Variants in LCLAT1 observed in about 807,000 individuals in gnomAD.
The protein encoded by LCLAT1 is 1-AGP acyltransferase 8.
A neutral mutation model predicts 30.7 loss-of-function variants in LCLAT1; 11 were observed. That is an observed-to-expected ratio of 0.36 (90% CI 0.23 to 0.59). LCLAT1 has a LOEUF of 0.59. Ranked by LOEUF, LCLAT1 falls within the 20% of genes least tolerant of loss-of-function variation. The pLI is 0.77. For synonymous variants in LCLAT1, 155 were observed against 151.3 expected (o/e 1.02, Z -0.18); for missense variants, 402 against 458.6 (o/e 0.88, Z 1.13).
At chr2:30,618,854 T>C (rs1362195408) in intron 5 of LCLAT1, among the ~76,000 whole-genome samples, 1 of 152,210 alleles carries the variant, frequency 6.6e-6, no homozygotes, top group African/African-American at 2.4e-5. Flanking sequence ...CTCTACATCA[T>C]AGTTTGTGAA....
chr2:30,562,885 T>C (rs1665305491), intron 4 of LCLAT1, among the ~76,000 whole-genome samples: 1 of 152,128 alleles, frequency 6.6e-6, no homozygotes, highest in South Asian at 2.1e-4. Flanking sequence ...TAATTTCAGT[T>C]ATTGTTGATT....
At chr2:30,578,001 A>T (rs1666067235) in intron 5 of LCLAT1, among the ~76,000 whole-genome samples, 1 of 152,130 alleles carries the variant, frequency 6.6e-6, no homozygotes, top group Admixed American at 6.6e-5. Flanking sequence ...ACTTTTAAAC[A>T]CTTTGCCTTT....
intron 5 of LCLAT1, among the ~76,000 whole-genome samples, chr2:30,569,233 G>A (rs376685677): frequency 7.2e-5 from 11 of 152,128 alleles, no homozygotes; most frequent in Admixed American, 5.9e-4. Context: ...AAGTGATTCC[G>A]TTGATGATAT....
Position 30,640,106 on chromosome 2 carries a change from T to C in LCLAT1, c.629-11T>C, listed in dbSNP as rs757665600. The C allele has an allele frequency of 3.2e-5, 51 of 1,600,192 alleles. No homozygotes were observed. The highest frequency in any genetic ancestry group is 4.3e-5 in the Non-Finnish European group (50 of 1,173,806). On this transcript the variant is annotated splice_polypyrimidine_tract_variant and intron_variant, in intron 5 of 5. Transcript: ENST00000379509. ...CTGCTTAATCTATGTTTTCATCTTTTCGAAACCCAGGTAAGAACCTTGATG... is the reference window on the plus strand; with the variant it reads ...CTGCTTAATCTATGTTTTCATCTTTCCGAAACCCAGGTAAGAACCTTGATG...
Position 30,568,095 on chromosome 2 carries a change from A to G in LCLAT1, c.547A>G (p.Lys183Glu). The G allele has an allele frequency of 6.2e-7, 1 of 1,605,768 alleles. No homozygotes were observed. Among genetic ancestry groups the G allele is most frequent in the Non-Finnish European group, 8.5e-7 (1 of 1,174,814 alleles). ...GTCTCGAAGTAATGCATTTGCTGAA[A>G]AAAATGGACTTCAGAAATATGAATA... Reference protein sequence around the residue: ...SKSRSNAFAEKNGLQKYEYVL... With the variant: ...SKSRSNAFAEENGLQKYEYVL... Residue 183 changes from lysine to glutamate, a missense_variant, in exon 5 of 6, where the codon AAA (lysine) becomes GAA (glutamate). Transcript: ENST00000379509.
chr2:30,624,037 TAC>T (rs752430981), intron 5 of LCLAT1, among the ~76,000 whole-genome samples: 2 of 152,266 alleles, frequency 1.3e-5, no homozygotes, highest in Non-Finnish European at 2.9e-5. Context: ...GAAGGAAAGA[TAC>T]AGTCTTTTTC....
At chr2:30,532,156 A>C (rs1197999136) in intron 2 of LCLAT1, among the ~76,000 whole-genome samples, 1 of 152,162 alleles carries the variant, frequency 6.6e-6, no homozygotes, top group Non-Finnish European at 1.5e-5. Context: ...GTCTTTCAAA[A>C]TTATGCTTCT....
chr2:30,543,575 G>T (rs886339384), intron 3 of LCLAT1, among the ~76,000 whole-genome samples: 1 of 151,888 alleles, frequency 6.6e-6, no homozygotes, highest in East Asian at 1.9e-4. Flanking sequence ...TTTTTAGTGG[G>T]TGTCTTTTTA....
intron 5 of LCLAT1, among the ~76,000 whole-genome samples, chr2:30,608,219 G>T (rs1185575727): frequency 2.6e-5 from 4 of 151,514 alleles, no homozygotes; most frequent in Non-Finnish European, 5.9e-5. Flanking sequence ...TACTTGGGAG[G>T]CTGAGGCAGG....
chr2:30,632,642 A>G (rs1057166027), intron 5 of LCLAT1, among the ~76,000 whole-genome samples: 1 of 152,254 alleles, frequency 6.6e-6, no homozygotes, highest in African/African-American at 2.4e-5. Flanking sequence ...AAGAATAATG[A>G]TGATACAACA....
At chr2:30,467,266 A>C (rs1682492191) in intron 1 of LCLAT1, among the ~76,000 whole-genome samples, 1 of 152,234 alleles carries the variant, frequency 6.6e-6, no homozygotes, top group South Asian at 2.1e-4. Context: ...AAAGGACATG[A>C]ACTCATCCTT....
intron 1 of LCLAT1, chr2:30,476,349 T>C (rs536995931): frequency 3.1e-4 from 141 of 456,260 alleles, no homozygotes; most frequent in African/African-American, 2.7e-3. Context: ...AAAATAATAG[T>C]GGGTAGGAGG....
chr2:30,501,076 C>CTGTGTGTGTGTG (rs1553362946), intron 1 of LCLAT1, among the ~76,000 whole-genome samples: 1 of 146,496 alleles, frequency 6.8e-6, no homozygotes, highest in Non-Finnish European at 1.5e-5. Context: ...TTGTTTTGTT[C>CTGTGTGTGTGTG]TGTGTGTGTG....
At chr2:30,572,379 G>T (rs1018956471) in intron 5 of LCLAT1, among the ~76,000 whole-genome samples, 3 of 152,194 alleles carry the variant, frequency 2.0e-5, no homozygotes, top group Admixed American at 2.0e-4. Flanking sequence ...CCTTGCCCAT[G>T]CAGTAGAATC....
intron 1 of LCLAT1, among the ~76,000 whole-genome samples, chr2:30,463,634 CA>C (rs1225815468): frequency 6.6e-6 from 1 of 152,134 alleles, no homozygotes; most frequent in Non-Finnish European, 1.5e-5. Context: ...ATTTATATAG[CA>C]TTTACATTGT....
intron 1 of LCLAT1, among the ~76,000 whole-genome samples, chr2:30,495,812 A>G (rs1252854106): frequency 6.6e-6 from 1 of 152,166 alleles, no homozygotes. Flanking sequence ...TGGTTTTTCT[A>G]AAGATTTACA....
chr2:30,640,514 C>T lies in LCLAT1; in HGVS notation c.1026C>T (p.Ile342=). The T allele has an allele frequency of 6.2e-7, 1 of 1,614,088 alleles. No individual in the cohort carries two copies. The highest frequency in any genetic ancestry group is 8.5e-7 in the Non-Finnish European group (1 of 1,179,996). ...GGTATTTTATAATCACCATTGTAAT[C>T]TTTGTGCTGCAAGAGAGAATATTTG... is the stretch of plus-strand genomic sequence containing the variant. ...VKWYFIITIV[I]FVLQERIFGG... The change falls in exon 6 of 6, where the codon ATC becomes ATT. Residue 342 remains isoleucine, a synonymous_variant. Coordinates refer to ENST00000379509, the MANE Select transcript of LCLAT1 (RefSeq NM_001002257.3).
chr2:30,461,607 ACT>A (rs1271547097), intron 1 of LCLAT1, among the ~76,000 whole-genome samples: 1 of 151,816 alleles, frequency 6.6e-6, no homozygotes, highest in Non-Finnish European at 1.5e-5. Context: ...GAAAGCCATA[ACT>A]TGCCCATTGT....
At chr2:30,466,958 A>T (rs1475571821) in intron 1 of LCLAT1, among the ~76,000 whole-genome samples, 2 of 152,194 alleles carry the variant, frequency 1.3e-5, no homozygotes, top group Non-Finnish European at 2.9e-5. Context: ...TTTAAATTAT[A>T]CTTTAAGTTC....
Sources: gnomAD v4.1 joint callset for allele counts (sites outside exome capture counted in the v4.1 genomes callset) on GRCh38, gnomAD v4.1.1 for gene constraint, MANE v1.5 for transcripts, NCBI Gene and HGNC (gene_info 2026-07-23, HGNC 2026-07-21) for gene names.